The following EYS variants were observed in gnomAD, a reference collection of about 807,000 sequenced individuals.
The protein encoded by EYS is EGF-like photoreceptor maintenance factor.
Under a neutral mutation model 282.1 loss-of-function variants are expected in EYS, and 250 were observed. The observed-to-expected ratio is 0.89, with a 90% CI of 0.80 to 0.98. The LOEUF is 0.98. Among genes scored for constraint, EYS ranks in the 50% least tolerant of loss-of-function variants. The pLI is 0.00. For synonymous variants in EYS, 1,355 were observed against 1,282.9 expected, an observed-to-expected ratio of 1.06 and a Z score of -1.20; for missense variants, 4,016 against 3,709.0, an observed-to-expected ratio of 1.08 and a Z score of -2.15.
chr6:63,731,019 C>T (rs1300185447), intron 41 of EYS, among the ~76,000 whole-genome samples: 2 of 151,692 alleles, frequency 1.3e-5, no homozygotes, highest in Admixed American at 1.3e-4. Context: ...GACTCCACTT[C>T]AAAAAAAATT....
rs147402066 is a variant in EYS, at chr6:63,856,602, G to T, written c.7228+7584C>A. On this transcript the variant is annotated intron_variant, in intron 36 of 42. Transcript: ENST00000503581. ...GATGTAAAAATCTGCAAACTAATTT[G>T]GTTTCCATTTAGTGTAAGTAGAAAC... Among the ~76,000 whole-genome samples the T allele has an allele frequency of 4.0e-3, 612 of 152,142 alleles. 3 individuals are homozygous for T. Among genetic ancestry groups the T allele is most frequent in the African/African-American group, 0.013 (530 of 41,492 alleles).
intron 29 of EYS, chr6:64,379,509 G>A (rs1239863300): frequency 6.6e-6 from 1 of 151,964 alleles, no homozygotes; most frequent in Non-Finnish European, 1.5e-5. Context: ...ATTTTCTTCT[G>A]TAAATTTATT....
chr6:64,073,266 T>G (rs1022958398), intron 32 of EYS, among the ~76,000 whole-genome samples: 1 of 151,848 alleles, frequency 6.6e-6, no homozygotes, highest in African/African-American at 2.4e-5. Context: ...GGTCAAAGTG[T>G]TTTGCAAATA....
At position 64,906,487 on chromosome 6, in the gene EYS, A is replaced by G. The variant is rs540206727; in HGVS notation, c.2642-3987T>C. On this transcript the variant is annotated intron_variant, in intron 16 of 42. Coordinates refer to ENST00000503581, the MANE Select transcript of EYS (RefSeq NM_001142800.2). ...TACAAACTATTTTGTCAAATGACAC[A>G]TTTATTTGGTGTTTGTACTTGTATA... Among the ~76,000 whole-genome samples the G allele has an allele frequency of 6.9e-4, 105 of 152,316 alleles. 1 individual carries two copies. Among genetic ancestry groups the G allele is most frequent in the Non-Finnish European group, 1.1e-3 (74 of 68,022 alleles).
At chr6:65,403,983 A>C (rs1302038572) in intron 6 of EYS, among the ~76,000 whole-genome samples, 1 of 152,022 alleles carries the variant, frequency 6.6e-6, no homozygotes, top group Admixed American at 6.6e-5. Context: ...TAGTAGCTTG[A>C]AGCAACAACA....
chr6:64,085,527 A>G (rs1341186153), intron 31 of EYS, among the ~76,000 whole-genome samples: 1 of 152,048 alleles, frequency 6.6e-6, no homozygotes, highest in Admixed American at 6.6e-5. Flanking sequence ...CTTCAAAAAC[A>G]TTTTCTCAAA....
chr6:65,151,381 G>A (rs1011413714), intron 12 of EYS, among the ~76,000 whole-genome samples: 2 of 151,924 alleles, frequency 1.3e-5, no homozygotes, highest in African/African-American at 4.8e-5. Context: ...GGTATAATCC[G>A]AAGAAAGTTT....
At chr6:64,486,412 C>A (rs919137675) in intron 26 of EYS, among the ~76,000 whole-genome samples, 7 of 151,362 alleles carry the variant, frequency 4.6e-5, no homozygotes, top group African/African-American at 1.7e-4. Context: ...CAAAAGAATT[C>A]AAGGGATTTT....
At chr6:65,695,996 A>G (rs1769442131) in intron 1 of EYS, among the ~76,000 whole-genome samples, 1 of 152,034 alleles carries the variant, frequency 6.6e-6, no homozygotes, top group Non-Finnish European at 1.5e-5. Flanking sequence ...CCCAGAATTC[A>G]GCTGGGATTA....
At chr6:63,909,753 A>G (rs1307210663) in intron 35 of EYS, among the ~76,000 whole-genome samples, 2 of 152,184 alleles carry the variant, frequency 1.3e-5, no homozygotes, top group Non-Finnish European at 2.9e-5. Flanking sequence ...GGTGTAAGAA[A>G]TTCTGGTGTC....
At chr6:65,196,487 C>T (rs1765769165) in intron 12 of EYS, among the ~76,000 whole-genome samples, 1 of 152,078 alleles carries the variant, frequency 6.6e-6, no homozygotes, top group South Asian at 2.1e-4. Context: ...AATTTTCACT[C>T]ATTCAATCAC....
intron 31 of EYS, among the ~76,000 whole-genome samples, chr6:64,129,876 A>G (rs1278074546): frequency 6.6e-6 from 1 of 152,216 alleles, no homozygotes; most frequent in Admixed American, 6.5e-5. Flanking sequence ...AGCACCATTT[A>G]TTAAACAGGA....
rs184456209 is a variant in EYS, at chr6:65,473,909, G to A, written c.862+16685C>T. ...AGTGAGAGAACTAGAAGGATAACAA[G>A]GCCCAGTGTTTTTTAGAGTAATGAT... is the stretch of plus-strand genomic sequence containing the variant. On this transcript the variant is annotated intron_variant, in intron 5 of 42. Transcript: ENST00000503581. Among the ~76,000 whole-genome samples, 7 of 151,786 alleles carry A rather than the reference G, an allele frequency of 4.6e-5. No individual in the cohort carries two copies. The South Asian group carries it at 1.2e-3, about 27-fold the overall frequency.
chr6:65,218,948 AC>A (rs1427619095), intron 12 of EYS, among the ~76,000 whole-genome samples: 1 of 151,560 alleles, frequency 6.6e-6, no homozygotes, highest in Non-Finnish European at 1.5e-5. Context: ...AATCAAGATA[AC>A]TTTTTTTTCC....
At chr6:64,199,773 A>T (rs554255997) in intron 31 of EYS, among the ~76,000 whole-genome samples, 1 of 152,364 alleles carries the variant, frequency 6.6e-6, no homozygotes, top group Non-Finnish European at 1.5e-5. Flanking sequence ...ATGAATAGAC[A>T]CTTCTCAAAA....
intron 9 of EYS, among the ~76,000 whole-genome samples, chr6:65,352,736 G>A (rs1582175136): frequency 1.3e-5 from 2 of 151,558 alleles, no homozygotes; most frequent in Admixed American, 1.3e-4. Flanking sequence ...TTCTCTACTT[G>A]TTATAAACTT....
chr6:64,320,662 T>C (rs1205458526), intron 29 of EYS, among the ~76,000 whole-genome samples: 1 of 141,346 alleles, frequency 7.1e-6, no homozygotes, highest in African/African-American at 2.7e-5. Context: ...ATCTCTATGA[T>C]TTCTTTCCTT....
intron 1 of EYS, among the ~76,000 whole-genome samples, chr6:65,642,910 A>G (rs553025458): frequency 1.6e-4 from 25 of 152,392 alleles, no homozygotes; most frequent in African/African-American, 6.0e-4. Flanking sequence ...AAATGTAGAT[A>G]GGAGGCAGGA....
At chr6:64,952,735 G>A (rs961440313) in intron 14 of EYS, among the ~76,000 whole-genome samples, 13 of 151,936 alleles carry the variant, frequency 8.6e-5, no homozygotes, top group Admixed American at 7.2e-4. Context: ...TACATTTAAA[G>A]CATGTTAGTT....
Sources: gnomAD v4.1 joint callset for allele counts (sites outside exome capture counted in the v4.1 genomes callset) on GRCh38, gnomAD v4.1.1 for gene constraint, MANE v1.5 for transcripts, NCBI Gene and HGNC (gene_info 2026-07-23, HGNC 2026-07-21) for gene names.